The following DMBX1 variants were observed in gnomAD, a reference collection of about 807,000 sequenced individuals.
DMBX1 encodes diencephalon/mesencephalon homeobox 1.
A neutral mutation model predicts 30.4 loss-of-function variants in DMBX1; 7 were observed. The observed-to-expected ratio is 0.23, with a 90% CI of 0.13 to 0.43. The LOEUF is 0.43. Among genes scored for constraint, DMBX1 ranks in the 20% least tolerant of loss-of-function variants. DMBX1 has a pLI of 1.00. For missense variants in DMBX1, 460 were observed against 508.5 expected (o/e 0.90, Z 0.92); for synonymous variants, 222 against 214.2 (o/e 1.04, Z -0.32).
At chr1:46,501,230 C>CTTTCTTTT (rs1557786057) in intron 2 of DMBX1, among the ~76,000 whole-genome samples, 23 of 116,242 alleles carry the variant, frequency 2.0e-4, no homozygotes, top group African/African-American at 8.2e-4. Flanking sequence ...TTCTTTCTTT[C>CTTTCTTTT]TTTCTTTCTT....
At chr1:46,496,146 C>A (rs2148481876) in intron 2 of DMBX1, among the ~76,000 whole-genome samples, 1 of 152,232 alleles carries the variant, frequency 6.6e-6, no homozygotes, top group East Asian at 1.9e-4. Flanking sequence ...ATTTGGGGAG[C>A]ATGGAGGGTT....
At chr1:46,498,021 C>T (rs1438855726) in intron 2 of DMBX1, among the ~76,000 whole-genome samples, 1 of 152,202 alleles carries the variant, frequency 6.6e-6, no homozygotes, top group East Asian at 1.9e-4. Flanking sequence ...GCCAAGAGTG[C>T]AGGGCCTCTG....
chr1:46,498,257 C>G (rs1257049881), intron 2 of DMBX1, among the ~76,000 whole-genome samples: 2 of 152,180 alleles, frequency 1.3e-5, no homozygotes, highest in Non-Finnish European at 2.9e-5. Context: ...TGGGCTAGGA[C>G]TCTGGGTCTC....
At chr1:46,511,962 G>A (rs1315995815) in intron 5 of DMBX1, 81 bp from the exon 6 acceptor site, 24 of 1,375,088 alleles carry the variant, frequency 1.7e-5, no homozygotes, top group Admixed American at 1.6e-4. Context: ...GTGCCAAGGA[G>A]GTGAGAAGGC....
At chr1:46,509,114 C>G (rs1666299773) in intron 3 of DMBX1, among the ~76,000 whole-genome samples, 1 of 151,826 alleles carries the variant, frequency 6.6e-6, no homozygotes, top group Non-Finnish European at 1.5e-5. Flanking sequence ...CTCTTGTTGC[C>G]CAGGCTGGAG....
In DMBX1 at chr1:46,514,581, C is replaced by T. The variant is rs1474503677; in HGVS notation, c.*2087C>T. 6.6e-6 allele frequency among the ~76,000 whole-genome samples: 1 copy of T among 152,054 alleles called. No homozygotes were observed. Among genetic ancestry groups the T allele is most frequent in the Non-Finnish European group, 1.5e-5 (1 of 68,022 alleles). On this transcript the variant is annotated 3_prime_UTR_variant, in exon 6 of 6. Coordinates refer to ENST00000360032, the MANE Select transcript of DMBX1 (RefSeq NM_172225.2). ...CTCTGGAGTCACTCCATTTTCATAC[C>T]TTTTCATGATCTCAGGGGCTCTGGG... is the stretch of plus-strand genomic sequence containing the variant.
In DMBX1 at chr1:46,493,034, G is replaced by A. The variant is rs1665960392; in HGVS notation, c.-13+2251G>A. On this transcript the variant is annotated intron_variant, in intron 2 of 5. Transcript: ENST00000360032. The surrounding 1 kb of genome is among the most constrained non-coding windows in gnomAD (Gnocchi z 4.1). ...GCCTCGAAGTTACTCCTCCTCCTCC[G>A]GCCAGTCCCAGTTCCTCAAGGAGCC... is the stretch of plus-strand genomic sequence containing the variant. Among the ~76,000 whole-genome samples, 1 of 151,838 alleles carries A rather than the reference G, an allele frequency of 6.6e-6. No homozygotes were observed. The highest frequency in any genetic ancestry group is 2.1e-4 in the South Asian group (1 of 4,800).
intron 5 of DMBX1, 110 bp downstream of exon 5, chr1:46,511,393 A>C: frequency 8.2e-7 from 1 of 1,224,570 alleles, no homozygotes. Context: ...CGCATCAGAA[A>C]GGACTGACCA....
chr1:46,498,903 G>T (rs1001559198), intron 2 of DMBX1, among the ~76,000 whole-genome samples: 2 of 152,240 alleles, frequency 1.3e-5, no homozygotes, highest in African/African-American at 4.8e-5. Flanking sequence ...CTGTAGTGAG[G>T]AAGAGGAGTA....
chr1:46,492,666 TCACA>T (rs1341580903), intron 2 of DMBX1, among the ~76,000 whole-genome samples: 1 of 152,084 alleles, frequency 6.6e-6, no homozygotes, highest in Admixed American at 6.5e-5. Context: ...AGATTGACGG[TCACA>T]CACAGACACA....
chr1:46,497,760 T>C (rs1421884746), intron 2 of DMBX1, among the ~76,000 whole-genome samples: 1 of 152,368 alleles, frequency 6.6e-6, no homozygotes, highest in East Asian at 1.9e-4. Context: ...ACGGATGCAT[T>C]TGCAGATTTG....
intron 2 of DMBX1, among the ~76,000 whole-genome samples, chr1:46,492,730 C>A (rs969263727): frequency 1.3e-5 from 2 of 151,944 alleles, no homozygotes; most frequent in African/African-American, 4.8e-5. Context: ...GTTAGAGTCA[C>A]CTGGGCTATG....
At chr1:46,503,143 T>A (rs1666169481) in intron 2 of DMBX1, among the ~76,000 whole-genome samples, 2 of 152,226 alleles carry the variant, frequency 1.3e-5, no homozygotes, top group South Asian at 4.1e-4. Flanking sequence ...CACAAGCTTG[T>A]CTATGCCTCA....
chr1:46,490,323 C>T (rs1368277159), intron 1 of DMBX1, among the ~76,000 whole-genome samples: 2 of 151,890 alleles, frequency 1.3e-5, no homozygotes, highest in Admixed American at 6.6e-5. Flanking sequence ...GGATCCGTCA[C>T]GGTTTTGCCT....
In DMBX1 at chr1:46,507,100, G is replaced by A. The variant is rs1454848062; in HGVS notation, c.90G>A (p.Gln30=). Residue 30 remains glutamine, a synonymous_variant, in exon 3 of 6, where the codon CAG becomes CAA. Coordinates refer to ENST00000360032, the MANE Select transcript of DMBX1 (RefSeq NM_172225.2). ...ACCTGCACCAGCAGGCAGCCCAGCAGGCCCAGCATGCCCCCGACTACCGGC... is the reference window on the plus strand; with the variant it reads ...ACCTGCACCAGCAGGCAGCCCAGCAAGCCCAGCATGCCCCCGACTACCGGC... ...MYNLHQQAAQ[Q]AQHAPDYRPS... is the part of the protein sequence containing the mutation. The A allele has an allele frequency of 3.1e-6, 5 of 1,614,120 alleles. No homozygotes were observed. The highest frequency in any genetic ancestry group is 8.5e-7 in the Non-Finnish European group (1 of 1,180,056).
intron 2 of DMBX1, among the ~76,000 whole-genome samples, chr1:46,500,705 G>A (rs111682572): frequency 6.6e-6 from 1 of 152,136 alleles, no homozygotes; most frequent in Non-Finnish European, 1.5e-5. Flanking sequence ...TACAAAAATG[G>A]ATCGTATCAT....
At position 46,490,670 on chromosome 1, in the gene DMBX1, A is replaced by G. The variant is rs1665913331; in HGVS notation, c.-126A>G. On this transcript the variant is annotated 5_prime_UTR_variant, in exon 2 of 6. Coordinates refer to ENST00000360032, the MANE Select transcript of DMBX1 (RefSeq NM_172225.2). ...TCCCGTTCAAACTCAGCTGCCACCA[A>G]GTGCGCCTTTTCTCTCTGGATTGCG... 6.6e-6 allele frequency among the ~76,000 whole-genome samples: 1 copy of G among 152,238 alleles called. No individual in the cohort carries two copies. Among genetic ancestry groups the G allele is most frequent in the Non-Finnish European group, 1.5e-5 (1 of 68,040 alleles).
chr1:46,503,301 C>T (rs1323007276), intron 2 of DMBX1, among the ~76,000 whole-genome samples: 2 of 152,218 alleles, frequency 1.3e-5, no homozygotes, highest in Non-Finnish European at 2.9e-5. Flanking sequence ...TGTCATTCTC[C>T]TCCTCTGCCT....
intron 2 of DMBX1, among the ~76,000 whole-genome samples, chr1:46,499,859 G>A (rs1168724576): frequency 6.6e-6 from 1 of 152,224 alleles, no homozygotes; most frequent in African/African-American, 2.4e-5. Context: ...GGTGCTGAGT[G>A]TGGTATCTGG....
Sources: allele counts gnomAD v4.1 joint callset (sites outside exome capture counted in the v4.1 genomes callset), GRCh38; gene constraint gnomAD v4.1.1; non-coding constraint Gnocchi (gnomAD v3.1); transcripts MANE v1.5; gene names NCBI Gene and HGNC (gene_info 2026-07-23, HGNC 2026-07-21).